The following ZNF578 variants were observed in gnomAD, a reference collection of about 807,000 sequenced individuals.
The protein encoded by ZNF578 is zinc finger protein 578.
ZNF578 carries 8 observed loss-of-function variants against 8.3 expected under a neutral mutation model. The observed-to-expected ratio is 0.96, with a 90% CI of 0.56 to 1.74. The LOEUF is 1.74. Among genes scored for constraint, ZNF578 ranks in the 40% most tolerant of loss-of-function variants. The probability of loss-of-function intolerance (pLI) is 0.00; values close to 1 mark genes in which losing one functional copy is unlikely to be tolerated. For synonymous variants in ZNF578, 206 were observed against 232.2 expected (o/e 0.89, Z 1.03); for missense variants, 726 against 707.5 (o/e 1.03, Z -0.30).
Position 52,512,189 on chromosome 19 carries a change from G to A in ZNF578, c.*35G>A. ...TGGAGAGAAACCTTACAAATGTGAA[G>A]CATGTGACAAAGTTTTCAGTCACAG... On this transcript the variant is annotated 3_prime_UTR_variant, in exon 6 of 6. Transcript: ENST00000421239. The A allele has an allele frequency of 6.2e-7, 1 of 1,613,048 alleles. No individual in the cohort carries two copies. The highest frequency in any genetic ancestry group is 1.1e-5 in the South Asian group (1 of 90,962).
chr19:52,486,367 C>T (rs2059345763), intron 2 of ZNF578, among the ~76,000 whole-genome samples: 1 of 152,184 alleles, frequency 6.6e-6, no homozygotes, highest in Non-Finnish European at 1.5e-5. Flanking sequence ...GTCGTGGGTC[C>T]TCCGTATGCT....
Position 52,511,763 on chromosome 19 carries a change from A to G in ZNF578, c.1382A>G (p.Asp461Gly), listed in dbSNP as rs200901077. 43 of 1,613,080 alleles carry G rather than the reference A, an allele frequency of 2.7e-5. No homozygotes were observed. The highest frequency in any genetic ancestry group is 3.3e-4 in the Middle Eastern group (2 of 6,070). ...GEKSYKCEEC[D>G]RVFSQKSNLE... ...AAATCTTACAAATGTGAAGAATGTG[A>G]CAGAGTTTTCAGTCAGAAATCAAAC... Residue 461 changes from aspartate (D) to glycine (G), a missense_variant, in exon 6 of 6, where the codon GAC becomes GGC. Coordinates refer to ENST00000421239, the MANE Select transcript of ZNF578 (RefSeq NM_001099694.2).
intron 5 of ZNF578, among the ~76,000 whole-genome samples, chr19:52,505,651 C>G (rs2059423177): frequency 6.6e-6 from 1 of 151,916 alleles, no homozygotes; most frequent in African/African-American, 2.4e-5. Context: ...CTCTCGATCT[C>G]CTGACCTTGT....
At chr19:52,498,005 T>C (rs535524285) in intron 3 of ZNF578, among the ~76,000 whole-genome samples, 92 of 152,348 alleles carry the variant, frequency 6.0e-4, no homozygotes, top group Admixed American at 3.8e-3. Context: ...TTTTTCAGTG[T>C]TTTAAACACC....
chr19:52,483,341 G>A (rs903587815), intron 2 of ZNF578, among the ~76,000 whole-genome samples: 3 of 152,100 alleles, frequency 2.0e-5, no homozygotes, highest in African/African-American at 7.2e-5. Flanking sequence ...CTTGAACCCG[G>A]GAAGCAAAGG....
rs111483126 is a variant in ZNF578 at position 52,507,196 on chromosome 19, T to C, written c.190+2415T>C. ...TGAGGTCAGAAGTTCGAGACCAGCC[T>C]GGCCAACATGGTGAAACCCCATATC... On this transcript the variant is annotated intron_variant, in intron 5 of 5. Transcript: ENST00000421239. 7.3e-3 allele frequency among the ~76,000 whole-genome samples: 1,112 copies of C among 152,312 alleles called. 15 individuals carry two copies. Among genetic ancestry groups the C allele is most frequent in the African/African-American group, 0.025 (1,032 of 41,566 alleles).
At chr19:52,487,558 C>T (rs1599898546) in intron 2 of ZNF578, among the ~76,000 whole-genome samples, 1 of 152,124 alleles carries the variant, frequency 6.6e-6, no homozygotes, top group East Asian at 1.9e-4. Flanking sequence ...ACTGTCTTCC[C>T]TTTTCCTAGG....
chr19:52,494,369 GAC>G (rs1568462936), intron 3 of ZNF578, among the ~76,000 whole-genome samples: 7 of 151,868 alleles, frequency 4.6e-5, no homozygotes, highest in African/African-American at 1.5e-4. Flanking sequence ...TGATAGTGTA[GAC>G]CTGTAATTTC....
chr19:52,512,377 G>A lies in ZNF578; in HGVS notation c.*223G>A, dbSNP rs1300203679. On this transcript the variant is annotated 3_prime_UTR_variant, in exon 6 of 6. Transcript: ENST00000421239. Reference sequence around the variant, plus strand: ...TGATTGTCACAAAGTCTTCAGTAACGCTACAACGATTGCAAATCATTGGAG... The same window carrying A: ...TGATTGTCACAAAGTCTTCAGTAACACTACAACGATTGCAAATCATTGGAG... The A allele has an allele frequency of 1.3e-5, 19 of 1,499,772 alleles. No individual in the cohort carries two copies. Among genetic ancestry groups the A allele is most frequent in the South Asian group, 1.2e-4 (11 of 88,594 alleles). 92.9% of individuals were successfully genotyped at this position (1,499,772 alleles called of 1,614,324 possible). A position where few individuals can be genotyped will look rare whatever the true frequency, so the allele number is the denominator to read the frequency against.
chr19:52,476,531 G>T (rs1364046357), intron 2 of ZNF578, among the ~76,000 whole-genome samples: 2 of 152,072 alleles, frequency 1.3e-5, no homozygotes, highest in Non-Finnish European at 2.9e-5. Flanking sequence ...TTCCTTGTAG[G>T]AATTTCCCTA....
At position 52,513,756 on chromosome 19, in the gene ZNF578, C is replaced by T. The variant is rs2059460808; in HGVS notation, c.*1602C>T. Among the ~76,000 whole-genome samples, 1 of 147,514 alleles carries T rather than the reference C, an allele frequency of 6.8e-6. No homozygotes were observed. Among genetic ancestry groups the T allele is most frequent in the Non-Finnish European group, 1.5e-5 (1 of 66,866 alleles). On this transcript the variant is annotated 3_prime_UTR_variant, in exon 6 of 6. Transcript: ENST00000421239. The stretch of plus-strand genomic sequence containing the variant: ...AAAAAAAAAAAAAAAAGATATCAAA[C>T]CCGGGGTGTCTCATCCCACAGCACT...
intron 3 of ZNF578, among the ~76,000 whole-genome samples, chr19:52,492,166 A>C: frequency 1.5e-5 from 1 of 66,214 alleles, no homozygotes; most frequent in Non-Finnish European, 2.7e-5. Context: ...TCAAAAAAAA[A>C]AAAAAAAAAA....
chr19:52,505,314 C>G (rs965800188), intron 5 of ZNF578, among the ~76,000 whole-genome samples: 1 of 152,238 alleles, frequency 6.6e-6, no homozygotes, highest in Non-Finnish European at 1.5e-5. Flanking sequence ...CTAGCGGGGA[C>G]ATCATTTGGG....
At position 52,511,885 on chromosome 19, in the gene ZNF578, C is replaced by T. The variant is rs185671122; in HGVS notation, c.1504C>T (p.Arg502Cys). ...TCACAGGTCATCTCTTCCATGCCATCGTAGACTTCATAGTGGTGAGAAACC... is the reference window on the plus strand; with the variant it reads ...TCACAGGTCATCTCTTCCATGCCATTGTAGACTTCATAGTGGTGAGAAACC... Reference protein sequence around the residue: ...FSHRSSLPCHRRLHSGEKPYK... With the variant: ...FSHRSSLPCHCRLHSGEKPYK... The change falls in exon 6 of 6, where the codon CGT becomes TGT. Residue 502 changes from arginine (R) to cysteine (C), a missense_variant. Transcript: ENST00000421239. 1.9e-5 allele frequency: 30 copies of T among 1,613,136 alleles called. No homozygotes were observed. Among genetic ancestry groups the T allele is most frequent in the African/African-American group, 5.4e-5 (4 of 74,732 alleles).
chr19:52,501,376 C>T (rs1447643653), intron 3 of ZNF578, among the ~76,000 whole-genome samples: 1 of 152,200 alleles, frequency 6.6e-6, no homozygotes, highest in South Asian at 2.1e-4. Flanking sequence ...GATTCTTATT[C>T]TGACGGGATG....
intron 2 of ZNF578, among the ~76,000 whole-genome samples, chr19:52,469,311 C>A (rs1034648272): frequency 3.3e-5 from 5 of 151,950 alleles, no homozygotes; most frequent in African/African-American, 2.4e-5. Flanking sequence ...CAGGTGTGCA[C>A]CACCATACCT....
intron 2 of ZNF578, among the ~76,000 whole-genome samples, chr19:52,471,296 A>T (rs1370706552): frequency 6.6e-6 from 1 of 152,196 alleles, no homozygotes; most frequent in Non-Finnish European, 1.5e-5. Context: ...TTTGGATTTT[A>T]ACTGAGCGAC....
intron 1 of ZNF578, chr19:52,455,599 C>T (rs2059237407): frequency 6.6e-6 from 1 of 152,224 alleles, no homozygotes; most frequent in Non-Finnish European, 1.5e-5. Context: ...GTCCAGTTGT[C>T]TCCTCAACTT....
chr19:52,480,909 A>G (rs1328289142), intron 2 of ZNF578, among the ~76,000 whole-genome samples: 4 of 75,018 alleles, frequency 5.3e-5, no homozygotes, highest in East Asian at 5.2e-4. Flanking sequence ...AGATAATAAT[A>G]ATAATAATAA....
Sources: allele counts gnomAD v4.1 joint callset (sites outside exome capture counted in the v4.1 genomes callset), GRCh38; gene constraint gnomAD v4.1.1; transcripts MANE v1.5; gene names NCBI Gene and HGNC (gene_info 2026-07-23, HGNC 2026-07-21).